The following C13orf42 variants were observed in gnomAD, a reference collection of about 807,000 sequenced individuals.
C13orf42 encodes uncharacterized protein C13orf42.
At chr13:51,105,179 G>C (rs1320022610) in intron 1 of C13orf42, among the ~76,000 whole-genome samples, 1 of 152,222 alleles carries the variant, frequency 6.6e-6, no homozygotes, top group South Asian at 2.1e-4. Flanking sequence ...GGGCTCAGAA[G>C]GGGCTGGCAG....
At chr13:51,104,740 T>G (rs1953332323) in intron 1 of C13orf42, among the ~76,000 whole-genome samples, 2 of 146,972 alleles carry the variant, frequency 1.4e-5, no homozygotes, top group Non-Finnish European at 1.5e-5. Flanking sequence ...TGTGAAAGAG[T>G]GAGTTTTATG....
At chr13:51,118,554 A>G (rs759788980) in intron 1 of C13orf42, among the ~76,000 whole-genome samples, 6 of 152,222 alleles carry the variant, frequency 3.9e-5, no homozygotes, top group Non-Finnish European at 8.8e-5. Context: ...CAGAGAGTGA[A>G]GCTGCCCTGA....
At chr13:51,097,113 C>T (rs934596812) in intron 1 of C13orf42, among the ~76,000 whole-genome samples, 2 of 152,190 alleles carry the variant, frequency 1.3e-5, no homozygotes, top group South Asian at 2.1e-4. Context: ...CTCCTCATCC[C>T]TTTTAATAGC....
chr13:51,088,406 G>T (rs1388575793), intron 1 of C13orf42, among the ~76,000 whole-genome samples: 1 of 152,092 alleles, frequency 6.6e-6, no homozygotes, highest in African/African-American at 2.4e-5. Context: ...CCAATTAGGA[G>T]ATTGTACAGT....
chr13:51,139,262 C>T (rs1484450769), intron 1 of C13orf42, among the ~76,000 whole-genome samples: 1 of 152,028 alleles, frequency 6.6e-6, no homozygotes, highest in African/African-American at 2.4e-5. Flanking sequence ...TTGCAGTCAG[C>T]CAAGATCACG....
rs142317304 is a variant in C13orf42 at position 51,118,955 on chromosome 13, G to A, written n.137-5733C>T. Among the ~76,000 whole-genome samples, 141 of 152,078 alleles carry A rather than the reference G, an allele frequency of 9.3e-4. 2 individuals carry two copies. In the East Asian group the frequency reaches 0.022, roughly 24 times the overall value. On this transcript the variant is annotated intron_variant and non_coding_transcript_variant, in intron 1 of 4. Coordinates refer to the C13orf42 transcript ENST00000433280. ...AGTGTATGGCATGCTCTGGTGTATG[G>A]TGTGCCCAGGCATACAGCATGCCCT...
intron 3 of C13orf42, 123 bp downstream of exon 3, chr13:51,085,184 AATATATATATAT>A (rs57050801): frequency 1.5e-4 from 30 of 195,838 alleles, no homozygotes; most frequent in Middle Eastern, 2.0e-3. Flanking sequence ...AGCAACAACA[AATATATATATAT>A]ATATATATAT....
intron 2 of C13orf42, among the ~76,000 whole-genome samples, chr13:51,087,352 T>C (rs760814325): frequency 1.3e-5 from 2 of 152,216 alleles, no homozygotes; most frequent in Non-Finnish European, 2.9e-5. Context: ...AGCCTACGTA[T>C]GGTCAGAAGC....
intron 1 of C13orf42, among the ~76,000 whole-genome samples, chr13:51,170,907 G>A (rs896653870): frequency 2.6e-5 from 4 of 151,972 alleles, no homozygotes; most frequent in Admixed American, 6.5e-5. Flanking sequence ...GGCAAGTCCC[G>A]CTTTCCTAGG....
chr13:51,167,379 G>A (rs983766159), intron 1 of C13orf42, among the ~76,000 whole-genome samples: 1 of 152,160 alleles, frequency 6.6e-6, no homozygotes, highest in Non-Finnish European at 1.5e-5. Context: ...GGGATTTCTA[G>A]AAGAAAGCAC....
chr13:51,160,121 C>G (rs1953853703), intron 1 of C13orf42, among the ~76,000 whole-genome samples: 1 of 152,194 alleles, frequency 6.6e-6, no homozygotes, highest in Non-Finnish European at 1.5e-5. Context: ...AGATACAATT[C>G]AAGTTGAGAT....
chr13:51,122,753 T>C (rs986178966), intron 1 of C13orf42, among the ~76,000 whole-genome samples: 1 of 152,184 alleles, frequency 6.6e-6, no homozygotes, highest in Non-Finnish European at 1.5e-5. Flanking sequence ...AGTCTTAAAA[T>C]TGGATGGTAA....
chr13:51,167,191 C>A (rs1253712808), intron 1 of C13orf42, among the ~76,000 whole-genome samples: 1 of 152,134 alleles, frequency 6.6e-6, no homozygotes, highest in African/African-American at 2.4e-5. Context: ...CCAGGAAACC[C>A]ATCAGTAGTT....
chr13:51,160,660 C>T (rs1953857403), intron 1 of C13orf42, among the ~76,000 whole-genome samples: 1 of 152,108 alleles, frequency 6.6e-6, no homozygotes, highest in Admixed American at 6.5e-5. Flanking sequence ...TAGACAATTT[C>T]TCAGTGGTAC....
intron 1 of C13orf42, among the ~76,000 whole-genome samples, chr13:51,135,968 G>A (rs1036008860): frequency 9.2e-5 from 14 of 152,322 alleles, no homozygotes; most frequent in African/African-American, 2.2e-4. Context: ...CCAGCAGGCC[G>A]GCAGCTGATG....
At chr13:51,123,781 A>G (rs888260390) in intron 1 of C13orf42, among the ~76,000 whole-genome samples, 11 of 152,238 alleles carry the variant, frequency 7.2e-5, no homozygotes, top group African/African-American at 2.7e-4. Context: ...ATAACTGAGA[A>G]AATTATGACA....
At chr13:51,151,151 T>A (rs575170210) in intron 1 of C13orf42, among the ~76,000 whole-genome samples, 3 of 152,352 alleles carry the variant, frequency 2.0e-5, no homozygotes, top group Non-Finnish European at 4.4e-5. Flanking sequence ...ATGGTAATGT[T>A]ACATATGCGA....
intron 1 of C13orf42, among the ~76,000 whole-genome samples, chr13:51,153,620 T>C (rs1187251433): frequency 6.8e-5 from 10 of 147,134 alleles, no homozygotes; most frequent in Non-Finnish European, 1.2e-4. Flanking sequence ...TCTTGCTTTC[T>C]GTTTTTTTTC....
intron 1 of C13orf42, among the ~76,000 whole-genome samples, chr13:51,138,549 CA>C (rs1420977684): frequency 2.0e-5 from 3 of 149,082 alleles, no homozygotes; most frequent in Non-Finnish European, 3.0e-5. Flanking sequence ...TGGCTTTTAT[CA>C]AAAAAAAAGA....
Sources: allele counts gnomAD v4.1 joint callset (sites outside exome capture counted in the v4.1 genomes callset), GRCh38; gene constraint gnomAD v4.1.1; transcripts MANE v1.5; gene names NCBI Gene and HGNC (gene_info 2026-07-23, HGNC 2026-07-21).